ATN1: variants seen among roughly 807,000 people sequenced by gnomAD.
The protein encoded by ATN1 is atrophin 1, also known as atrophin-1.
A neutral mutation model predicts 85.8 loss-of-function variants in ATN1; 19 were observed. The observed-to-expected ratio is 0.22, with a 90% CI of 0.15 to 0.32. ATN1 has a LOEUF of 0.32. Among genes scored for constraint, ATN1 ranks in the 10% least tolerant of loss-of-function variants. ATN1 has a pLI of 1.00. For synonymous variants in ATN1, 674 were observed against 657.0 expected (o/e 1.03, Z -0.39); for missense variants, 1,453 against 1,564.5 (o/e 0.93, Z 1.20).
Position 6,933,986 on chromosome 12 carries a change from C to A in ATN1, c.-16C>A. 1.2e-6 allele frequency: 2 copies of A among 1,600,600 alleles called. No homozygotes were observed. The highest frequency in any genetic ancestry group is 1.7e-6 in the Non-Finnish European group (2 of 1,173,636). ...CTGCCCAGGCAGAGGAGAATGGGGTCTCCACAGCCTGAAGAATGAAGACAC... is the reference window on the plus strand; with the variant it reads ...CTGCCCAGGCAGAGGAGAATGGGGTATCCACAGCCTGAAGAATGAAGACAC... On this transcript the variant is annotated 5_prime_UTR_variant, in exon 2 of 10. Transcript: ENST00000396684.
At chr12:6,931,926 T>C (rs1296466354) in intron 1 of ATN1, among the ~76,000 whole-genome samples, 1 of 147,166 alleles carries the variant, frequency 6.8e-6, no homozygotes. Context: ...TCCCAGCTAT[T>C]CAGGAGGCTG....
At chr12:6,925,388 A>C (rs1172811822), upstream of ATN1, among the ~76,000 whole-genome samples, 1 of 152,100 alleles carries the variant, frequency 6.6e-6, no homozygotes, top group Admixed American at 6.6e-5. Flanking sequence ...TGGGAGACTG[A>C]ACTGAGTGGT....
chr12:6,938,923 A>G lies in ATN1; in HGVS notation c.2960A>G (p.His987Arg). The change falls in exon 7 of 10, where the codon CAC becomes CGC. Residue 987 changes from histidine (H) to arginine (R), a missense_variant. Coordinates refer to ENST00000396684, the MANE Select transcript of ATN1 (RefSeq NM_001940.4). Reference sequence around the variant, plus strand: ...CTGCAGCCTGGCCCACCTGGCCTGCACCCTTTCCCCTTTCATCCGAGCCTG... The same window carrying G: ...CTGCAGCCTGGCCCACCTGGCCTGCGCCCTTTCCCCTTTCATCCGAGCCTG... ...LALQPGPPGL[H>R]PFPFHPSLGP... The G allele has an allele frequency of 6.2e-7, 1 of 1,613,686 alleles. No homozygotes were observed. The highest frequency in any genetic ancestry group is 1.3e-5 in the African/African-American group (1 of 74,912).
rs782102915 is a variant in ATN1, at chr12:6,936,970, TCTCTTCCTCTTCCAA to T, written c.1718_1732del (p.Asn573_Ser577del). On this transcript the variant is annotated inframe_deletion, in exon 5 of 10. Transcript: ENST00000396684. ...CAAGCAGGCCCCAATGGCCCTCCAG[TCTCTTCCTCTTCCAA>T]CTCTTCCTCTTCCACTTCTCAAGGG... 52 of 1,613,236 alleles carry T rather than the reference TCTCTTCCTCTTCCAA, an allele frequency of 3.2e-5. No individual in the cohort carries two copies. Among genetic ancestry groups the T allele is most frequent in the African/African-American group, 1.1e-4 (8 of 74,754 alleles).
Position 6,935,464 on chromosome 12 carries a change from G to A in ATN1, c.280-83G>A. 7.0e-7 allele frequency: 1 copy of A among 1,431,498 alleles called. No individual in the cohort carries two copies. Among genetic ancestry groups the A allele is most frequent in the Non-Finnish European group, 9.3e-7 (1 of 1,072,640 alleles). 88.7% of individuals were successfully genotyped at this position (1,431,498 alleles called of 1,614,324 possible). A position where few individuals can be genotyped will look rare whatever the true frequency, so the allele number is the denominator to read the frequency against. Reference sequence around the variant, plus strand: ...ACAGTACAACAGTGTGCTGTGAGGGGAAATGATTTTATGCAAGAGAGCCCC... The same window carrying A: ...ACAGTACAACAGTGTGCTGTGAGGGAAAATGATTTTATGCAAGAGAGCCCC... On this transcript the variant is annotated intron_variant, in intron 4 of 9. Transcript: ENST00000396684. This position sits in a 1 kb window ranked among gnomAD's most constrained non-coding sequence, Gnocchi z 5.3.
Position 6,936,072 on chromosome 12 carries a change from G to A in ATN1, c.805G>A (p.Gly269Ser), listed in dbSNP as rs781823465. 6.5e-7 allele frequency: 1 copy of A among 1,539,030 alleles called. No individual in the cohort carries two copies. Among genetic ancestry groups the A allele is most frequent in the Admixed American group, 2.1e-5 (1 of 48,354 alleles). Residue 269 changes from glycine to serine, a missense_variant, in exon 5 of 10, where the codon GGT becomes AGT. Physicochemically the swap from Gly to Ser is moderately conservative, Grantham distance 56 (BLOSUM62 0). Coordinates refer to ENST00000396684, the MANE Select transcript of ATN1 (RefSeq NM_001940.4). The stretch of plus-strand genomic sequence containing the variant: ...TTCAGTATCAAGCTCTGGGGCTAGT[G>A]GTGCTCCCCCAACAAAGCCGCCTAC... ...PISVSSSGAS[G>S]APPTKPPTTP... is the part of the protein sequence containing the mutation.
Position 6,936,953 on chromosome 12 carries a change from C to T in ATN1, c.1686C>T (p.Gly562=). The change falls in exon 5 of 10, where the codon GGC becomes GGT. Residue 562 remains glycine, a synonymous_variant. Transcript: ENST00000396684. The part of the protein sequence containing the change: ...PHSQVSYSQA[G]PNGPPVSSSS... ...GCCAGGTGTCCTACAGCCAAGCAGG[C>T]CCCAATGGCCCTCCAGTCTCTTCCT... 6.2e-7 allele frequency: 1 copy of T among 1,613,922 alleles called. No homozygotes were observed. Among genetic ancestry groups the T allele is most frequent in the Non-Finnish European group, 8.5e-7 (1 of 1,179,916 alleles).
chr12:6,938,514 T>C lies in ATN1; in HGVS notation c.2551T>C (p.Cys851Arg), dbSNP rs782149084. Residue 851 changes from cysteine (C) to arginine (R), a missense_variant, in exon 7 of 10, where the codon TGC becomes CGC. Coordinates refer to ENST00000396684, the MANE Select transcript of ATN1 (RefSeq NM_001940.4). ...TCAGGAGGGCCGTGCTCCGGTGGAA[T>C]GCCCATCTCTGGGCCCAGTGCCCCA... ...LAQEGRAPVE[C>R]PSLGPVPHRP... is the part of the protein sequence containing the mutation. The C allele has an allele frequency of 1.9e-6, 3 of 1,611,526 alleles. No individual in the cohort carries two copies. The East Asian group carries it at 6.7e-5, about 36-fold the overall frequency.
rs199585821 is a variant in ATN1 at position 6,935,797 on chromosome 12, G to A, written c.530G>A (p.Arg177Gln). The A allele has an allele frequency of 1.2e-4, 189 of 1,613,274 alleles. No individual in the cohort carries two copies. The highest frequency in any genetic ancestry group is 2.7e-4 in the Admixed American group (16 of 59,948). The stretch of plus-strand genomic sequence containing the variant: ...CCTCAACCGCCAGACAGCACCCCTC[G>A]ACAGCCAGAGGCTAGCTTTGAACCC... ...PSPQPPDSTPRQPEASFEPHP... is the reference protein window; with the variant it reads ...PSPQPPDSTPQQPEASFEPHP... The change falls in exon 5 of 10, where the codon CGA becomes CAA. Residue 177 changes from arginine (R) to glutamine (Q), a missense_variant. This residue lies in a region of ATN1 where 990 missense variants were observed against 914.8 expected (regional missense o/e 1.08). Coordinates refer to ENST00000396684, the MANE Select transcript of ATN1 (RefSeq NM_001940.4). This position sits in a 1 kb window ranked among gnomAD's most constrained non-coding sequence, Gnocchi z 5.3.
chr12:6,926,651 T>G (rs1945401709), upstream of ATN1, among the ~76,000 whole-genome samples: 1 of 152,054 alleles, frequency 6.6e-6, no homozygotes, highest in South Asian at 2.1e-4. Context: ...TTTTGTATTT[T>G]TAGTAGAGAC....
chr12:6,942,198 A>T lies in ATN1; in HGVS notation c.*418A>T. ...TCCCTGTGTGCGCGCCCCCTCTGCA[A>T]TGTATGCCCCTTGCCCCTTCCCCAC... On this transcript the variant is annotated 3_prime_UTR_variant, in exon 10 of 10. Coordinates refer to ENST00000396684, the MANE Select transcript of ATN1 (RefSeq NM_001940.4). The T allele has an allele frequency of 5.1e-6, 1 of 196,506 alleles. No individual in the cohort carries two copies. 12.2% of individuals were successfully genotyped at this position (196,506 alleles called of 1,614,324 possible).
intron 6 of ATN1, 123 bp downstream of exon 6, chr12:6,938,190 C>T: frequency 1.4e-6 from 2 of 1,436,062 alleles, no homozygotes; most frequent in South Asian, 2.9e-5. Flanking sequence ...CACGTCGCCA[C>T]CTGTCGGAGG....
rs782438744 is a variant in ATN1, at chr12:6,938,891, C to G, written c.2928C>G (p.Gly976=). 6.2e-7 allele frequency: 1 copy of G among 1,614,126 alleles called. No individual in the cohort carries two copies. Residue 976 remains glycine (G), a synonymous_variant, in exon 7 of 10, where the codon GGC becomes GGG. Transcript: ENST00000396684. ...PGLDPFPRHG[G]LALQPGPPGL... ...TGGATCCCTTTCCCCGACATGGGGG[C>G]CTGGCTCTGCAGCCTGGCCCACCTG...
Position 6,936,210 on chromosome 12 carries a change from G to A in ATN1, c.943G>A (p.Ala315Thr), listed in dbSNP as rs140292997. ...PALRPLNNAS[A>T]SPPGLGAQPL... ...CCTGAGACCCCTCAACAATGCATCA[G>A]CCTCTCCCCCTGGCCTGGGGGCCCA... Residue 315 changes from alanine to threonine, a missense_variant, in exon 5 of 10, where the codon GCC becomes ACC. By Grantham distance (58) the Ala-to-Thr change is moderately conservative. Transcript: ENST00000396684. The A allele has an allele frequency of 1.3e-6, 2 of 1,595,326 alleles. No homozygotes were observed. Among genetic ancestry groups the A allele is most frequent in the Non-Finnish European group, 1.7e-6 (2 of 1,170,106 alleles).
rs1565565764 is a variant in ATN1, at chr12:6,935,979, G to C, written c.712G>C (p.Gly238Arg). 1.3e-6 allele frequency: 2 copies of C among 1,589,108 alleles called. No individual in the cohort carries two copies. The highest frequency in any genetic ancestry group is 3.4e-4 in the Middle Eastern group (2 of 5,912). The change falls in exon 5 of 10, where the codon GGA (glycine) becomes CGA (arginine). Residue 238 changes from glycine to arginine, a missense_variant. By Grantham distance (125) the Gly-to-Arg change is moderately radical (BLOSUM62 -2). Transcript: ENST00000396684. The surrounding 1 kb of genome is among the most constrained non-coding windows in gnomAD (Gnocchi z 5.3). ...LSGPPMGPKG[G>R]GAASSVGGPN... The stretch of plus-strand genomic sequence containing the variant: ...TGGACCCCCAATGGGTCCCAAGGGG[G>C]GAGGGGCTGCCTCATCAGTGGGGGG...
Position 6,940,898 on chromosome 12 carries a change from C to G in ATN1, c.3233C>G (p.Pro1078Arg). 1 of 1,614,214 alleles carries G rather than the reference C, an allele frequency of 6.2e-7. No individual in the cohort carries two copies. Among genetic ancestry groups the G allele is most frequent in the East Asian group, 2.2e-5 (1 of 44,884 alleles). Reference sequence around the variant, plus strand: ...CCTCCAGCCTCTGCCTCGGTGCACCCTCTCATTGACCCCCTGGCCTCAGGG... The same window carrying G: ...CCTCCAGCCTCTGCCTCGGTGCACCGTCTCATTGACCCCCTGGCCTCAGGG... ...AIHAASASVH[P>R]LIDPLASGSH... The change falls in exon 8 of 10, where the codon CCT becomes CGT. Residue 1078 changes from proline (P) to arginine (R), a missense_variant. By Grantham distance (103) the Pro-to-Arg change is moderately radical. Transcript: ENST00000396684.
chr12:6,937,203 C>T lies in ATN1; in HGVS notation c.1936C>T (p.Pro646Ser). 2 of 1,611,554 alleles carry T rather than the reference C, an allele frequency of 1.2e-6. No homozygotes were observed. Among genetic ancestry groups the T allele is most frequent in the Non-Finnish European group, 1.7e-6 (2 of 1,179,592 alleles). ...PPPYGKRAPSPGAYKTATPPG... is the reference protein window; with the variant it reads ...PPPYGKRAPSSGAYKTATPPG... ...ACCGTACGGAAAGAGAGCCCCGTCC[C>T]CGGGGGCCTACAAGACAGCCACCCC... is the stretch of plus-strand genomic sequence containing the variant. Residue 646 changes from proline (P) to serine (S), a missense_variant, in exon 5 of 10, where the codon CCG becomes TCG. This residue lies in a region of ATN1 where 990 missense variants were observed against 914.8 expected (regional missense o/e 1.08). Transcript: ENST00000396684. This position sits in a 1 kb window ranked among gnomAD's most constrained non-coding sequence, Gnocchi z 6.0.
chr12:6,941,255 G>A lies in ATN1; in HGVS notation c.3359-119G>A. 7.6e-7 allele frequency: 1 copy of A among 1,322,688 alleles called. No homozygotes were observed. The allele number at this position is 1,322,688 out of a possible 1,614,324, so 81.9% of individuals were successfully genotyped here. A position where few individuals can be genotyped will look rare whatever the true frequency, so the allele number is the denominator to read the frequency against. On this transcript the variant is annotated intron_variant, in intron 8 of 9. Transcript: ENST00000396684. The surrounding 1 kb of genome is among the most constrained non-coding windows in gnomAD (Gnocchi z 5.9). ...TACCACTGGCAACTTACAGAACTGG[G>A]TGTGTTACCTCACTTTTTAGTTCAT...
chr12:6,941,751 C>A lies in ATN1; in HGVS notation c.3544C>A (p.Leu1182Met), dbSNP rs781855173. ...TATGCACTGCCCCTTCCCTAGTCAC[C>A]TGAAGAAGGAAAGCGACAAGCCACT... is the stretch of plus-strand genomic sequence containing the variant. ...LPAQEDYYSHLKKESDKPL is the reference protein window; with the variant it reads ...LPAQEDYYSHMKKESDKPL Residue 1182 changes from leucine to methionine, a missense_variant, in exon 10 of 10, where the codon CTG becomes ATG. Leu to Met is a conservative substitution (Grantham distance 15, BLOSUM62 2). Transcript: ENST00000396684. The surrounding 1 kb of genome is among the most constrained non-coding windows in gnomAD (Gnocchi z 5.9). 1.9e-6 allele frequency: 3 copies of A among 1,613,968 alleles called. No homozygotes were observed. The South Asian group carries it at 3.3e-5, about 18-fold the overall frequency.
Sources: allele counts gnomAD v4.1 joint callset (sites outside exome capture counted in the v4.1 genomes callset), GRCh38; gene constraint gnomAD v4.1.1; regional missense constraint gnomAD v4.1.1; non-coding constraint Gnocchi (gnomAD v3.1); transcripts MANE v1.5; gene names NCBI Gene and HGNC (gene_info 2026-07-23, HGNC 2026-07-21).